KIF18A: variants seen among roughly 807,000 people sequenced by gnomAD.
The protein encoded by KIF18A is kinesin family member 18A.
Under a neutral mutation model 103.3 loss-of-function variants are expected in KIF18A, and 67 were observed. The ratio of observed to expected loss-of-function variants is 0.65; its 90% CI spans 0.53 to 0.79. The LOEUF is 0.79. Ranked by LOEUF, KIF18A falls within the 30% of genes least tolerant of loss-of-function variation. KIF18A has a pLI of 0.00. For missense variants in KIF18A, 1,032 were observed against 1,062.5 expected (o/e 0.97, Z 0.40); for synonymous variants, 367 against 355.5 (o/e 1.03, Z -0.36).
chr11:28,041,096 T>C (rs1044126402), intron 13 of KIF18A, among the ~76,000 whole-genome samples: 5 of 151,756 alleles, frequency 3.3e-5, no homozygotes, highest in Non-Finnish European at 7.4e-5. Context: ...GAATTCACTG[T>C]TCATCCCACC....
chr11:28,069,445 A>T (rs1590693465), intron 10 of KIF18A, 22 bp from the exon 11 acceptor site: 1 of 1,602,466 alleles, frequency 6.2e-7, no homozygotes. Flanking sequence ...TTCATTTAAC[A>T]GTAAATCTAA....
In KIF18A at chr11:28,045,630, C is replaced by G. The variant is rs1850621734; in HGVS notation, c.1949-8966G>C. Among the ~76,000 whole-genome samples the G allele has an allele frequency of 3.9e-5, 6 of 152,046 alleles. No individual in the cohort carries two copies. In the South Asian group the frequency reaches 1.2e-3, roughly 32 times the overall value. ...ATACACATGTCACTTCTTACCTGAT[C>G]CTGCTAAAATACATTAGCAAAACCA... On this transcript the variant is annotated intron_variant, in intron 13 of 16. Transcript: ENST00000263181.
chr11:28,059,111 T>G lies in KIF18A; in HGVS notation c.1763A>C (p.Lys588Thr). Residue 588 changes from lysine to threonine, a missense_variant, in exon 13 of 17, where the codon AAA becomes ACA. Coordinates refer to ENST00000263181, the MANE Select transcript of KIF18A (RefSeq NM_031217.4). ...PTLRKQYCTLKEAGLSNAAFE... is the reference protein window; with the variant it reads ...PTLRKQYCTLTEAGLSNAAFE... ...AGCAGCATTTGACAGGCCGGCTTCT[T>G]TTAATGTGCAATATTGTTTTCTTAG... is the stretch of plus-strand genomic sequence containing the variant. The G allele has an allele frequency of 6.2e-7, 1 of 1,614,062 alleles. No homozygotes were observed. The highest frequency in any genetic ancestry group is 1.7e-4 in the Middle Eastern group (1 of 6,060).
At chr11:28,081,744 T>C (rs1490272915) in intron 9 of KIF18A, among the ~76,000 whole-genome samples, 1 of 152,152 alleles carries the variant, frequency 6.6e-6, no homozygotes, top group Non-Finnish European at 1.5e-5. Context: ...GAAATACATT[T>C]TGTAGGGCTA....
intron 12 of KIF18A, among the ~76,000 whole-genome samples, chr11:28,061,298 G>A (rs1254724745): frequency 6.6e-6 from 1 of 152,020 alleles, no homozygotes; most frequent in African/African-American, 2.4e-5. Context: ...AGGTTATATT[G>A]CTCATATAAG....
At chr11:28,034,232 A>G (rs1850450092) in intron 15 of KIF18A, among the ~76,000 whole-genome samples, 1 of 151,766 alleles carries the variant, frequency 6.6e-6, no homozygotes, top group Non-Finnish European at 1.5e-5. Flanking sequence ...TGCCTCACGT[A>G]TGAATCACTG....
chr11:28,091,376 T>C lies in KIF18A; in HGVS notation c.588+33A>G, dbSNP rs549425564. ...AATAGCTTAATAGTCACATTTGCTA[T>C]TCTAACAGGGAAAAAGATGTTTATA... On this transcript the variant is annotated intron_variant, in intron 4 of 16. Coordinates refer to ENST00000263181, the MANE Select transcript of KIF18A (RefSeq NM_031217.4). The C allele has an allele frequency of 4.3e-6, 5 of 1,171,736 alleles. No homozygotes were observed. The African/African-American group carries it at 4.6e-5, about 11-fold the overall frequency. The allele number at this position is 1,171,736 out of a possible 1,614,324, so 72.6% of individuals were successfully genotyped here. A position where few individuals can be genotyped will look rare whatever the true frequency, so the allele number is the denominator to read the frequency against.
chr11:28,050,485 T>C (rs1338088815), intron 13 of KIF18A, among the ~76,000 whole-genome samples: 1 of 151,920 alleles, frequency 6.6e-6, no homozygotes. Context: ...CAAGTAATTT[T>C]AGGGGAAACT....
intron 15 of KIF18A, among the ~76,000 whole-genome samples, chr11:28,032,491 A>G (rs1197554636): frequency 6.6e-6 from 1 of 152,006 alleles, no homozygotes; most frequent in Non-Finnish European, 1.5e-5. Flanking sequence ...TAGTAACCAA[A>G]AAAGCACGGG....
chr11:28,060,086 T>C (rs993078513), intron 12 of KIF18A, among the ~76,000 whole-genome samples: 12 of 152,178 alleles, frequency 7.9e-5, no homozygotes, highest in African/African-American at 2.7e-4. Flanking sequence ...TTAGCAACAA[T>C]TACAGCAGCA....
intron 10 of KIF18A, among the ~76,000 whole-genome samples, chr11:28,069,825 G>A (rs1431912308): frequency 1.3e-5 from 2 of 151,946 alleles, no homozygotes; most frequent in Admixed American, 1.3e-4. Flanking sequence ...TGTCTTTGAT[G>A]TGAAGAAATA....
At chr11:28,086,146 A>C (rs896620259) in intron 6 of KIF18A, among the ~76,000 whole-genome samples, 3 of 152,148 alleles carry the variant, frequency 2.0e-5, no homozygotes, top group Non-Finnish European at 4.4e-5. Context: ...CTTTTCTGTA[A>C]ATCTAAAACT....
intron 15 of KIF18A, among the ~76,000 whole-genome samples, chr11:28,032,727 T>A (rs1185985474): frequency 6.6e-6 from 1 of 151,700 alleles, no homozygotes; most frequent in Non-Finnish European, 1.5e-5. Flanking sequence ...TCAAAATGGA[T>A]AAAAATTTAA....
At chr11:28,099,580 A>C (rs915725649) in intron 1 of KIF18A, among the ~76,000 whole-genome samples, 2 of 152,014 alleles carry the variant, frequency 1.3e-5, no homozygotes, top group Non-Finnish European at 2.9e-5. Context: ...AAACTTACAC[A>C]TTTTTTTTGT....
intron 13 of KIF18A, among the ~76,000 whole-genome samples, chr11:28,049,838 T>C (rs567309658): frequency 6.6e-6 from 1 of 152,100 alleles, no homozygotes; most frequent in Admixed American, 6.6e-5. Flanking sequence ...GAATTCATAG[T>C]TGCAAATGAT....
chr11:28,047,935 A>G (rs1850659454), intron 13 of KIF18A, among the ~76,000 whole-genome samples: 1 of 152,188 alleles, frequency 6.6e-6, no homozygotes, highest in African/African-American at 2.4e-5. Flanking sequence ...TACATGTAAC[A>G]CATTTGGCAA....
chr11:28,076,404 G>A lies in KIF18A; in HGVS notation c.1425+603C>T, dbSNP rs1465909622. The A allele has an allele frequency of 2.6e-5, 4 of 151,966 alleles. No homozygotes were observed. In the East Asian group the frequency reaches 5.8e-4, roughly 22 times the overall value. 9.4% of individuals were successfully genotyped at this position (151,966 alleles called of 1,614,324 possible). On this transcript the variant is annotated intron_variant, in intron 10 of 16. Transcript: ENST00000263181. The stretch of plus-strand genomic sequence containing the variant: ...CTTTAGTAACTGGCTAACCTGAGTG[G>A]GTAAACTTCGTGTTAAAAGTTCCAT...
intron 9 of KIF18A, among the ~76,000 whole-genome samples, chr11:28,081,725 CT>C (rs1205310517): frequency 6.6e-5 from 10 of 152,092 alleles, no homozygotes; most frequent in Non-Finnish European, 1.3e-4. Context: ...TTTGTGTCTT[CT>C]TATTTAGGAA....
intron 13 of KIF18A, among the ~76,000 whole-genome samples, chr11:28,037,894 C>G (rs1482141212): frequency 6.6e-6 from 1 of 151,404 alleles, no homozygotes; most frequent in East Asian, 1.9e-4. Context: ...ACACATTTCC[C>G]TAAGGAGCTG....
Sources: allele counts gnomAD v4.1 joint callset (sites outside exome capture counted in the v4.1 genomes callset), GRCh38; gene constraint gnomAD v4.1.1; transcripts MANE v1.5; gene names NCBI Gene and HGNC (gene_info 2026-07-23, HGNC 2026-07-21).